Variants in NELFCD observed in about 807,000 individuals in gnomAD.
NELFCD encodes the protein negative elongation factor C/D.
NELFCD carries 48 observed loss-of-function variants against 72.9 expected under a neutral mutation model. The observed-to-expected ratio is 0.66, with a 90% CI of 0.52 to 0.84. The LOEUF is 0.84. Among genes scored for constraint, NELFCD ranks in the 40% least tolerant of loss-of-function variants. NELFCD has a pLI of 0.00. For synonymous variants in NELFCD, 297 were observed against 280.6 expected (o/e 1.06, Z -0.59); for missense variants, 538 against 723.8 (o/e 0.74, Z 2.94).
chr20:58,985,573 G>A (rs904056758), intron 1 of NELFCD, among the ~76,000 whole-genome samples: 1 of 152,176 alleles, frequency 6.6e-6, no homozygotes, highest in African/African-American at 2.4e-5. Context: ...GTGGATGCAA[G>A]GCGAGTTAGT....
At chr20:58,990,618 T>A (rs751026382) in intron 7 of NELFCD, 8 of 297,646 alleles carry the variant, frequency 2.7e-5, no homozygotes, top group Non-Finnish European at 5.0e-5. Flanking sequence ...AAATAGTTGC[T>A]CAGCAATCTC....
rs1452571813 is a variant in NELFCD at position 58,987,710 on chromosome 20, G to C, written c.289G>C (p.Val97Leu). The change falls in exon 4 of 15, where the codon GTT (valine) becomes CTT (leucine). Residue 97 changes from valine to leucine, a missense_variant and splice_region_variant. By Grantham distance (32) the Val-to-Leu change is conservative. Coordinates refer to ENST00000652272, the MANE Select transcript of NELFCD (RefSeq NM_198976.4). ...TAGTTGCTTTTATTCTCTTTCAGGT[G>C]TTGAGCCAGTGCAGGTTCAGGAAAC... ...LLAEWLIQTG[V>L]EPVQVQETVE... The C allele has an allele frequency of 6.2e-7, 1 of 1,613,696 alleles. No homozygotes were observed. Among genetic ancestry groups the C allele is most frequent in the Admixed American group, 1.7e-5 (1 of 60,018 alleles).
Position 58,991,983 on chromosome 20 carries a change from C to G in NELFCD, c.1192C>G (p.Leu398Val). The part of the protein sequence containing the change: ...CCNENKGASE[L>V]VAELSTLYQC... Reference sequence around the variant, plus strand: ...CAACGAGAACAAAGGGGCCTCTGAACTAGTGGCAGAATTGAGCACACTTTA... The same window carrying G: ...CAACGAGAACAAAGGGGCCTCTGAAGTAGTGGCAGAATTGAGCACACTTTA... Residue 398 changes from leucine to valine, a missense_variant, in exon 10 of 15, where the codon CTA becomes GTA. Around this residue, in one of 3 missense-constraint regions of NELFCD, gnomAD observed 355 missense variants for 534.5 expected, o/e 0.66. Transcript: ENST00000652272. 6.2e-7 allele frequency: 1 copy of G among 1,614,168 alleles called. No homozygotes were observed. Among genetic ancestry groups the G allele is most frequent in the Non-Finnish European group, 8.5e-7 (1 of 1,180,030 alleles).
In NELFCD at chr20:58,989,763, A is replaced by G. The variant is rs1601215377; in HGVS notation, c.658-95A>G. ...TCTGAGGGCACCTTCCAGGATGCTC[A>G]CTCCCGGGCCCGAGCACGGTGGAGG... On this transcript the variant is annotated intron_variant, in intron 6 of 14. Coordinates refer to ENST00000652272, the MANE Select transcript of NELFCD (RefSeq NM_198976.4). 3 of 1,605,578 alleles carry G rather than the reference A, an allele frequency of 1.9e-6. No individual in the cohort carries two copies. The East Asian group carries it at 6.7e-5, about 36-fold the overall frequency.
At position 58,993,140 on chromosome 20, in the gene NELFCD, C is replaced by T. The variant is rs6092717; in HGVS notation, c.1344+28C>T. 1 of 1,500,140 alleles carries T rather than the reference C, an allele frequency of 6.7e-7. No individual in the cohort carries two copies. The allele number at this position is 1,500,140 out of a possible 1,614,324, so 92.9% of individuals were successfully genotyped here. The stretch of plus-strand genomic sequence containing the variant: ...AAGAGGGCGGAGAGCTGTTCACAGC[C>T]TACACAGTGTCTGTCTCATGCTGTT... On this transcript the variant is annotated intron_variant, in intron 11 of 14. Coordinates refer to ENST00000652272, the MANE Select transcript of NELFCD (RefSeq NM_198976.4). This position sits in a 1 kb window ranked among gnomAD's most constrained non-coding sequence, Gnocchi z 5.0.
rs1294019900 is a variant in NELFCD at position 58,986,982 on chromosome 20, G to T, written c.286+119G>T. On this transcript the variant is annotated intron_variant, in intron 3 of 14. Coordinates refer to ENST00000652272, the MANE Select transcript of NELFCD (RefSeq NM_198976.4). This position sits in a 1 kb window ranked among gnomAD's most constrained non-coding sequence, Gnocchi z 4.4. ...TGATTTCCTGGTTTCTGAGACTTGTGTAAGAAAGAGCTGAACTTCTTACTC... is the reference window on the plus strand; with the variant it reads ...TGATTTCCTGGTTTCTGAGACTTGTTTAAGAAAGAGCTGAACTTCTTACTC... 1.7e-6 allele frequency: 1 copy of T among 604,058 alleles called. No individual in the cohort carries two copies. Among genetic ancestry groups the T allele is most frequent in the Non-Finnish European group, 2.9e-6 (1 of 344,186 alleles). The allele number at this position is 604,058 out of a possible 1,614,324, so 37.4% of individuals were successfully genotyped here.
chr20:58,985,658 G>A (rs1382118268), intron 1 of NELFCD, among the ~76,000 whole-genome samples: 1 of 152,228 alleles, frequency 6.6e-6, no homozygotes, highest in African/African-American at 2.4e-5. Context: ...TGGCATGTAT[G>A]AAATAAGAAT....
Position 58,991,313 on chromosome 20 carries a change from T to C in NELFCD, c.956T>C (p.Ile319Thr), listed in dbSNP as rs773241761. 6.2e-7 allele frequency: 1 copy of C among 1,614,156 alleles called. No homozygotes were observed. The highest frequency in any genetic ancestry group is 8.5e-7 in the Non-Finnish European group (1 of 1,180,032). ...TSMDPPPVEL[I>T]RVPAFLDLFM... ...AACTGGGCATATGCTTCTCCTCAGA[T>C]CCGCGTTCCAGCCTTCCTGGACCTG... Residue 319 changes from isoleucine (I) to threonine (T), a missense_variant and splice_region_variant, in exon 9 of 15, where the codon ATC (isoleucine) becomes ACC (threonine). By Grantham distance (89) the Ile-to-Thr change is moderately conservative. Coordinates refer to ENST00000652272, the MANE Select transcript of NELFCD (RefSeq NM_198976.4).
In NELFCD at chr20:58,986,351, T is replaced by C; in HGVS notation, c.176+143T>C. 2 of 589,148 alleles carry C rather than the reference T, an allele frequency of 3.4e-6. No individual in the cohort carries two copies. The highest frequency in any genetic ancestry group is 5.9e-6 in the Non-Finnish European group (2 of 336,176). The allele number at this position is 589,148 out of a possible 1,614,324, so 36.5% of individuals were successfully genotyped here. On this transcript the variant is annotated intron_variant, in intron 2 of 14. Coordinates refer to ENST00000652272, the MANE Select transcript of NELFCD (RefSeq NM_198976.4). This position sits in a 1 kb window ranked among gnomAD's most constrained non-coding sequence, Gnocchi z 4.4. ...CAAGGGGGGGTCCCCTCTGCCACTT[T>C]TTTTTTTTTTTTAAATTTTTTTAAG...
intron 3 of NELFCD, 87 bp from the exon 4 acceptor site, chr20:58,987,621 A>G: frequency 1.9e-6 from 2 of 1,050,780 alleles, no homozygotes; most frequent in Non-Finnish European, 2.9e-6. Context: ...TATTTGATTC[A>G]CATAGAGACT....
Position 58,991,946 on chromosome 20 carries a change from C to T in NELFCD, c.1155C>T (p.His385=). ...KSTSKAVETV[H]NLCCNENKGA... is the part of the protein sequence containing the mutation. ...CGTCAAAAGCTGTCGAAACCGTTCA[C>T]AATTTGTGTTGCAACGAGAACAAAG... Residue 385 remains histidine, a synonymous_variant, in exon 10 of 15, where the codon CAC becomes CAT. Transcript: ENST00000652272. 3.1e-6 allele frequency: 5 copies of T among 1,614,172 alleles called. No individual in the cohort carries two copies. The highest frequency in any genetic ancestry group is 4.2e-6 in the Non-Finnish European group (5 of 1,180,016).
Position 58,991,450 on chromosome 20 carries a change from C to T in NELFCD, c.1089+4C>T. 3 of 1,614,022 alleles carry T rather than the reference C, an allele frequency of 1.9e-6. No individual in the cohort carries two copies. The highest frequency in any genetic ancestry group is 1.1e-5 in the South Asian group (1 of 91,076). The stretch of plus-strand genomic sequence containing the variant: ...CGTGGTTGAGACCTGGAAGAAGGTA[C>T]CATCGGTTCTGGGAATTTGTGGATT... On this transcript the variant is annotated splice_donor_region_variant and intron_variant, in intron 9 of 14. Coordinates refer to ENST00000652272, the MANE Select transcript of NELFCD (RefSeq NM_198976.4).
At position 58,986,307 on chromosome 20, in the gene NELFCD, CGAACT is replaced by C; in HGVS notation, c.176+105_176+109del. On this transcript the variant is annotated intron_variant, in intron 2 of 14. Transcript: ENST00000652272. This position sits in a 1 kb window ranked among gnomAD's most constrained non-coding sequence, Gnocchi z 4.4. The stretch of plus-strand genomic sequence containing the variant: ...GGTGCTATGTAAAGCAAGAGTAACG[CGAACT>C]GAACTAAAGGCTTCAAGGGGGGGTC... 2.5e-6 allele frequency: 2 copies of C among 791,150 alleles called. No homozygotes were observed. The allele number at this position is 791,150 out of a possible 1,614,324, so 49.0% of individuals were successfully genotyped here. A position where few individuals can be genotyped will look rare whatever the true frequency, so the allele number is the denominator to read the frequency against.
chr20:58,991,940 C>T lies in NELFCD; in HGVS notation c.1149C>T (p.Thr383=), dbSNP rs773942625. The T allele has an allele frequency of 1.9e-5, 30 of 1,614,030 alleles. No homozygotes were observed. The highest frequency in any genetic ancestry group is 2.7e-5 in the African/African-American group (2 of 74,892). ...AGTCAACGTCAAAAGCTGTCGAAAC[C>T]GTTCACAATTTGTGTTGCAACGAGA... ...ELKSTSKAVE[T]VHNLCCNENK... is the part of the protein sequence containing the mutation. Residue 383 remains threonine, a synonymous_variant, in exon 10 of 15, where the codon ACC becomes ACT. Coordinates refer to ENST00000652272, the MANE Select transcript of NELFCD (RefSeq NM_198976.4).
In NELFCD at chr20:58,993,721, A is replaced by G. The variant is rs749673694; in HGVS notation, c.1538A>G (p.Lys513Arg). The G allele has an allele frequency of 1.9e-6, 3 of 1,614,212 alleles. No individual in the cohort carries two copies. Among genetic ancestry groups the G allele is most frequent in the Non-Finnish European group, 2.5e-6 (3 of 1,180,022 alleles). Residue 513 changes from lysine (K) to arginine (R), a missense_variant, in exon 13 of 15, where the codon AAG (lysine) becomes AGG (arginine). By Grantham distance (26) the Lys-to-Arg change is conservative. This residue lies in a region of NELFCD where 136 missense variants were observed against 154.0 expected (regional missense o/e 0.88). Coordinates refer to ENST00000652272, the MANE Select transcript of NELFCD (RefSeq NM_198976.4). This position sits in a 1 kb window ranked among gnomAD's most constrained non-coding sequence, Gnocchi z 5.0. Reference protein sequence around the residue: ...VVSYIRKCLEKLDTDISLIRY... With the variant: ...VVSYIRKCLERLDTDISLIRY... ...AGTTACATCCGAAAGTGTCTGGAGA[A>G]GCTGGACACTGACATTTCACTCATT...
Position 58,986,452 on chromosome 20 carries a change from C to A in NELFCD, c.176+244C>A. 1.8e-6 allele frequency: 1 copy of A among 556,522 alleles called. No homozygotes were observed. The allele number at this position is 556,522 out of a possible 1,614,324, so 34.5% of individuals were successfully genotyped here. On this transcript the variant is annotated intron_variant, in intron 2 of 14. Transcript: ENST00000652272. The surrounding 1 kb of genome is among the most constrained non-coding windows in gnomAD (Gnocchi z 4.4). ...AGCCTCCTGGAATCAAGCAGTTCTC[C>A]CACCTCAGCCTTGCAAGGTGGCCAC...
At position 58,981,301 on chromosome 20, in the gene NELFCD, G is replaced by C. The variant is rs976797379; in HGVS notation, c.-9G>C. On this transcript the variant is annotated 5_prime_UTR_variant, in exon 1 of 15. Coordinates refer to ENST00000652272, the MANE Select transcript of NELFCD (RefSeq NM_198976.4). The stretch of plus-strand genomic sequence containing the variant: ...GGAGGGCATGGCGGGGGCCGTGCCG[G>C]GCGCCATCATGGACGAGGACTACTA... 12 of 1,080,682 alleles carry C rather than the reference G, an allele frequency of 1.1e-5. No homozygotes were observed. The highest frequency in any genetic ancestry group is 1.2e-5 in the Non-Finnish European group (11 of 888,990). The allele number at this position is 1,080,682 out of a possible 1,614,324, so 66.9% of individuals were successfully genotyped here. A position where few individuals can be genotyped will look rare whatever the true frequency, so the allele number is the denominator to read the frequency against.
chr20:58,990,077 T>C, intron 7 of NELFCD, 89 bp downstream of exon 7: 1 of 1,523,722 alleles, frequency 6.6e-7, no homozygotes, highest in Non-Finnish European at 8.9e-7. Flanking sequence ...CCAAAGCTGC[T>C]AGCTCCTTCT....
rs750358257 is a variant in NELFCD at position 58,993,772 on chromosome 20, A to G, written c.1581+8A>G. The G allele has an allele frequency of 1.1e-5, 18 of 1,613,832 alleles. No homozygotes were observed. Among genetic ancestry groups the G allele is most frequent in the East Asian group, 2.2e-5 (1 of 44,898 alleles). ...CGCTATTTTGTCACTGAGGTCAGCA[A>G]TGCACCGTTGGTTTCATGTTTCATA... On this transcript the variant is annotated splice_region_variant and intron_variant, in intron 13 of 14. Transcript: ENST00000652272. This position sits in a 1 kb window ranked among gnomAD's most constrained non-coding sequence, Gnocchi z 5.0.
Sources: gnomAD v4.1 joint callset for allele counts (sites outside exome capture counted in the v4.1 genomes callset) on GRCh38, gnomAD v4.1.1 for gene constraint, gnomAD v4.1.1 regional missense constraint, Gnocchi (gnomAD v3.1) non-coding constraint, MANE v1.5 for transcripts, NCBI Gene and HGNC (gene_info 2026-07-23, HGNC 2026-07-21) for gene names.